PLCE1: variants seen among roughly 807,000 people sequenced by gnomAD.
PLCE1 encodes 1-phosphatidylinositol 4,5-bisphosphate phosphodiesterase epsilon-1.
PLCE1 carries 119 observed loss-of-function variants against 242.8 expected under a neutral mutation model. The observed-to-expected ratio is 0.49, with a 90% CI of 0.42 to 0.57. The LOEUF (loss-of-function observed/expected upper bound fraction) is 0.57. Ranked by LOEUF, PLCE1 falls within the 20% of genes least tolerant of loss-of-function variation. PLCE1 has a pLI of 0.00. For synonymous variants in PLCE1, 945 were observed against 1,017.4 expected (o/e 0.93, Z 1.35); for missense variants, 2,441 against 2,788.8 (o/e 0.88, Z 2.81).
At chr10:94,304,124 A>T (rs2053126509) in intron 24 of PLCE1, among the ~76,000 whole-genome samples, 1 of 152,206 alleles carries the variant, frequency 6.6e-6, no homozygotes, top group Non-Finnish European at 1.5e-5. Flanking sequence ...CCTGGAACCA[A>T]TCCCCCATGG....
rs762998243 is a variant in PLCE1, at chr10:94,245,974, G to A, written c.2449G>A (p.Asp817Asn). The A allele has an allele frequency of 1.2e-6, 2 of 1,613,980 alleles. No individual in the cohort carries two copies. The highest frequency in any genetic ancestry group is 2.2e-5 in the East Asian group (1 of 44,884). The change falls in exon 8 of 33, where the codon GAC (aspartate) becomes AAC (asparagine). Residue 817 changes from aspartate to asparagine, a missense_variant. By Grantham distance (23) the Asp-to-Asn change is conservative. Coordinates refer to ENST00000371380, the MANE Select transcript of PLCE1 (RefSeq NM_016341.4). Reference sequence around the variant, plus strand: ...TATAATTGGAGATTTGTTGGATTCAGACAATGACATCTTTGAGCAATCCAA... The same window carrying A: ...TATAATTGGAGATTTGTTGGATTCAAACAATGACATCTTTGAGCAATCCAA... ...QFIIGDLLDS[D>N]NDIFEQSKEY...
chr10:94,017,608 C>T (rs1336240522), intron 1 of PLCE1, among the ~76,000 whole-genome samples: 5 of 151,950 alleles, frequency 3.3e-5, no homozygotes, highest in Non-Finnish European at 5.9e-5. Context: ...TGAAGGCCTT[C>T]AATTGGTGTT....
intron 24 of PLCE1, among the ~76,000 whole-genome samples, chr10:94,301,695 C>T (rs2053044009): frequency 6.6e-6 from 1 of 152,132 alleles, no homozygotes; most frequent in African/African-American, 2.4e-5. Context: ...CAGATCAACA[C>T]TCAATAAAAC....
At chr10:94,300,279 A>T (rs1021702964) in intron 24 of PLCE1, among the ~76,000 whole-genome samples, 28 of 152,228 alleles carry the variant, frequency 1.8e-4, no homozygotes, top group Non-Finnish European at 3.4e-4. Flanking sequence ...CTGCCACTCC[A>T]TGGGCCATCC....
Position 94,218,934 on chromosome 10 carries a change from AATTATATT to A in PLCE1, c.1810-8364_1810-8357del, listed in dbSNP as rs1348095338. Among the ~76,000 whole-genome samples, 65 of 147,394 alleles carry A rather than the reference AATTATATT, an allele frequency of 4.4e-4. 1 individual carries two copies. Among genetic ancestry groups the A allele is most frequent in the African/African-American group, 1.4e-3 (59 of 40,852 alleles). On this transcript the variant is annotated intron_variant, in intron 4 of 32. Coordinates refer to ENST00000371380, the MANE Select transcript of PLCE1 (RefSeq NM_016341.4). ...ATCTGACTATAAAAATTTTAATTAT[AATTATATT>A]ATTATATAATTAAATATAATTAAAA...
In PLCE1 at chr10:94,116,907, C is replaced by T. The variant is rs578153996; in HGVS notation, c.1207-15267C>T. Among the ~76,000 whole-genome samples, 42 of 152,228 alleles carry T rather than the reference C, an allele frequency of 2.8e-4. 1 individual carries two copies. Among genetic ancestry groups the T allele is most frequent in the Non-Finnish European group, 2.8e-4 (19 of 68,002 alleles). The stretch of plus-strand genomic sequence containing the variant: ...GGAGAGAGTGCAATAAAAGAAAAGA[C>T]AAAGAGTTTCTGCTATTATCCCTGC... On this transcript the variant is annotated intron_variant, in intron 2 of 32. Coordinates refer to ENST00000371380, the MANE Select transcript of PLCE1 (RefSeq NM_016341.4).
At chr10:94,272,059 C>T (rs569847084) in intron 18 of PLCE1, among the ~76,000 whole-genome samples, 12 of 152,246 alleles carry the variant, frequency 7.9e-5, no homozygotes, top group East Asian at 1.9e-4. Context: ...CAGCGGTGTA[C>T]GTATTGTCTT....
Position 94,124,399 on chromosome 10 carries a change from GAA to G in PLCE1, c.1207-7773_1207-7772del, listed in dbSNP as rs755519499. Among the ~76,000 whole-genome samples the G allele has an allele frequency of 9.1e-3, 1,311 of 144,604 alleles. 26 individuals carry two copies. Among genetic ancestry groups the G allele is most frequent in the African/African-American group, 0.032 (1,241 of 38,986 alleles). The allele number at this position is 144,604 out of a possible 152,430, so 94.9% of individuals were successfully genotyped here. A position where few individuals can be genotyped will look rare whatever the true frequency, so the allele number is the denominator to read the frequency against. On this transcript the variant is annotated intron_variant, in intron 2 of 32. Coordinates refer to ENST00000371380, the MANE Select transcript of PLCE1 (RefSeq NM_016341.4). ...TCTCAGAGAAAAAAAAAAAAAAAAAGAAAGAAAGAAAGAAAAAGAAAGCAAGG... is the reference window on the plus strand; with the variant it reads ...TCTCAGAGAAAAAAAAAAAAAAAAAGAGAAAGAAAGAAAAAGAAAGCAAGG...
chr10:94,287,180 G>A (rs1176183249), intron 22 of PLCE1: 1 of 151,490 alleles, frequency 6.6e-6, no homozygotes, highest in East Asian at 1.9e-4. Context: ...TGTTCACATA[G>A]CATACATTTC....
chr10:94,236,036 G>C lies in PLCE1; in HGVS notation c.2336G>C (p.Arg779Pro), dbSNP rs750319129. 6.2e-7 allele frequency: 1 copy of C among 1,614,084 alleles called. No individual in the cohort carries two copies. Among genetic ancestry groups the C allele is most frequent in the Admixed American group, 1.7e-5 (1 of 60,024 alleles). Residue 779 changes from arginine to proline, a missense_variant, in exon 7 of 33, where the codon CGA (arginine) becomes CCA (proline). Around this residue, in one of 5 missense-constraint regions of PLCE1, gnomAD observed 733 missense variants for 754.2 expected, o/e 0.97. Transcript: ENST00000371380. ...TTTCAGGTCATCCGGAGCTGCAATC[G>C]AAGTCTGGAGACAGACGAGGAGGAC... is the stretch of plus-strand genomic sequence containing the variant. Reference protein sequence around the residue: ...SIFQVIRSCNRSLETDEEDSP... With the variant: ...SIFQVIRSCNPSLETDEEDSP...
chr10:94,008,191 CAAAAA>C, intron 1 of PLCE1, among the ~76,000 whole-genome samples: 1 of 55,234 alleles, frequency 1.8e-5, no homozygotes, highest in South Asian at 8.3e-4. Flanking sequence ...GACCTTGTCT[CAAAAA>C]AAAAAAAAAA....
intron 1 of PLCE1, among the ~76,000 whole-genome samples, chr10:94,009,813 T>C (rs938552725): frequency 2.0e-5 from 3 of 152,258 alleles, no homozygotes; most frequent in African/African-American, 7.2e-5. Context: ...TGGTGCTTTA[T>C]GGCTTTGCAA....
At chr10:94,158,106 G>A (rs905843724) in intron 3 of PLCE1, among the ~76,000 whole-genome samples, 1 of 152,126 alleles carries the variant, frequency 6.6e-6, no homozygotes, top group Non-Finnish European at 1.5e-5. Flanking sequence ...GATGATGATT[G>A]TTGATTGTTA....
intron 4 of PLCE1, among the ~76,000 whole-genome samples, chr10:94,221,740 A>G (rs574207701): frequency 2.2e-4 from 33 of 152,116 alleles, no homozygotes; most frequent in African/African-American, 5.8e-4. Context: ...GTCTAAAAAA[A>G]AAGAAGAAGA....
intron 3 of PLCE1, among the ~76,000 whole-genome samples, chr10:94,141,000 G>C (rs527634503): frequency 6.6e-6 from 1 of 152,354 alleles, no homozygotes; most frequent in South Asian, 2.1e-4. Flanking sequence ...TCTTCAACTT[G>C]TAAGATAATA....
chr10:94,146,888 C>A (rs2047129302), intron 3 of PLCE1, among the ~76,000 whole-genome samples: 1 of 152,162 alleles, frequency 6.6e-6, no homozygotes, highest in Non-Finnish European at 1.5e-5. Context: ...GCCCGTTAGA[C>A]CTTTTGTTAC....
At position 94,059,875 on chromosome 10, in the gene PLCE1, T is replaced by C. The variant is rs186232668; in HGVS notation, c.1206+27623T>C. 1.4e-3 allele frequency among the ~76,000 whole-genome samples: 208 copies of C among 152,358 alleles called. 2 individuals are homozygous for C. Among genetic ancestry groups the C allele is most frequent in the African/African-American group, 4.1e-3 (171 of 41,584 alleles). Reference sequence around the variant, plus strand: ...TTGCTATTTCAACCCAAGCACTTGGTGTTCACGTCTTGCTTGTTCCTTGGT... The same window carrying C: ...TTGCTATTTCAACCCAAGCACTTGGCGTTCACGTCTTGCTTGTTCCTTGGT... On this transcript the variant is annotated intron_variant, in intron 2 of 32. Transcript: ENST00000371380.
At chr10:94,234,338 C>T in intron 6 of PLCE1, 26 bp downstream of exon 6, 2 of 1,611,786 alleles carry the variant, frequency 1.2e-6, no homozygotes, top group Non-Finnish European at 1.7e-6. Flanking sequence ...ATCATCGTGG[C>T]CTGAAGAGCC....
intron 29 of PLCE1, among the ~76,000 whole-genome samples, chr10:94,319,370 A>G (rs1388788855): frequency 6.6e-6 from 1 of 152,250 alleles, no homozygotes; most frequent in Non-Finnish European, 1.5e-5. Context: ...GCACTACTAG[A>G]GGAGACAGAT....
Sources: allele counts gnomAD v4.1 joint callset (sites outside exome capture counted in the v4.1 genomes callset), GRCh38; gene constraint gnomAD v4.1.1; regional missense constraint gnomAD v4.1.1; transcripts MANE v1.5; gene names NCBI Gene and HGNC (gene_info 2026-07-23, HGNC 2026-07-21).